Variants in TMPRSS6 observed in about 807,000 individuals in gnomAD.
TMPRSS6 encodes the protein transmembrane protease serine 6.
Under a neutral mutation model 101.5 loss-of-function variants are expected in TMPRSS6, and 67 were observed. The ratio of observed to expected loss-of-function variants is 0.66; its 90% CI spans 0.54 to 0.81. The LOEUF (loss-of-function observed/expected upper bound fraction) is 0.81, where lower values mean the gene tolerates loss of function less well. Among genes scored for constraint, TMPRSS6 ranks in the 30% least tolerant of loss-of-function variants. The pLI, the probability that TMPRSS6 is intolerant of heterozygous loss-of-function variation, is 0.00. For missense variants in TMPRSS6, 1,034 were observed against 1,088.7 expected (o/e 0.95, Z 0.71); for synonymous variants, 453 against 464.9 (o/e 0.97, Z 0.33).
chr22:37,095,434 C>G (rs1929656736), intron 6 of TMPRSS6, 117 bp downstream of exon 6: 38 of 1,348,222 alleles, frequency 2.8e-5, no homozygotes, highest in Non-Finnish European at 3.7e-5. Flanking sequence ...CTGGGTGACT[C>G]TTGGCCAGGG....
intron 6 of TMPRSS6, among the ~76,000 whole-genome samples, chr22:37,093,949 G>T (rs1929503939): frequency 6.6e-6 from 1 of 152,000 alleles, no homozygotes; most frequent in Non-Finnish European, 1.5e-5. Context: ...CTTGAACCTG[G>T]GAGGTGGAGG....
At position 37,105,766 on chromosome 22, in the gene TMPRSS6, T is replaced by G. The variant is rs545201275; in HGVS notation, c.-1-2348A>C. On this transcript the variant is annotated intron_variant, in intron 1 of 17. Transcript: ENST00000676104. ...CTCACCCCAGCCTCCAACTCCTGGG[T>G]TCGAGTGATCCTCCCACCTCAGCCT... 4.6e-5 allele frequency among the ~76,000 whole-genome samples: 7 copies of G among 152,256 alleles called. No homozygotes were observed. In the East Asian group the frequency reaches 1.4e-3, roughly 29 times the overall value.
intron 3 of TMPRSS6, among the ~76,000 whole-genome samples, chr22:37,097,055 C>G (rs929352109): frequency 2.0e-4 from 30 of 151,992 alleles, no homozygotes; most frequent in African/African-American, 6.8e-4. Flanking sequence ...TGGCCTGGGA[C>G]AAGCCAGCAG....
chr22:37,095,629 CAA>C (rs548945502), intron 5 of TMPRSS6, 37 bp from the exon 6 acceptor site: 20,968 of 1,105,316 alleles, frequency 0.019, no homozygotes, highest in South Asian at 0.032. Flanking sequence ...TAAACAAGAA[CAA>C]AAAAAAAAAA....
intron 8 of TMPRSS6, 70 bp from the exon 9 acceptor site, chr22:37,084,909 T>C (rs1928596198): frequency 8.4e-7 from 1 of 1,190,046 alleles, no homozygotes; most frequent in East Asian, 2.5e-5. Context: ...GCGCAGCTTG[T>C]AACCCCACCA....
chr22:37,078,787 GAA>G (rs575777582), intron 10 of TMPRSS6, among the ~76,000 whole-genome samples: 91,093 of 146,124 alleles, frequency 0.62, 29,872 homozygotes, highest in African/African-American at 0.82. Context: ...AGGAGGAGAA[GAA>G]GAAGGAGGAG....
Position 37,066,774 on chromosome 22 carries a change from T to G in TMPRSS6, c.2250+52A>C, listed in dbSNP as rs1926324966. The G allele has an allele frequency of 1.9e-6, 3 of 1,612,948 alleles. No individual in the cohort carries two copies. The East Asian group carries it at 6.7e-5, about 36-fold the overall frequency. Reference sequence around the variant, plus strand: ...AGCAAAGGGCCAGACCCTGGTGATGTGGGCAGCATCCTTTCTCCCTCCTCT... The same window carrying G: ...AGCAAAGGGCCAGACCCTGGTGATGGGGGCAGCATCCTTTCTCCCTCCTCT... On this transcript the variant is annotated intron_variant, in intron 17 of 17. Transcript: ENST00000676104.
chr22:37,070,968 C>A lies in TMPRSS6; in HGVS notation c.1620G>T (p.Pro540=), dbSNP rs142644443. 2.5e-6 allele frequency: 4 copies of A among 1,613,132 alleles called. No individual in the cohort carries two copies. Among genetic ancestry groups the A allele is most frequent in the Non-Finnish European group, 2.5e-6 (3 of 1,179,964 alleles). The change falls in exon 14 of 18, where the codon CCG becomes CCT. Residue 540 remains proline (P), a synonymous_variant. Transcript: ENST00000676104. ...TGCAGTCGGGCCGCCCATCACACTG[C>A]GGGTTGGGCTTCTTCACGCAGCTCC... ...EDRSCVKKPN[P]QCDGRPDCRD...
intron 6 of TMPRSS6, among the ~76,000 whole-genome samples, chr22:37,095,179 G>A (rs559365622): frequency 3.1e-4 from 47 of 152,252 alleles, no homozygotes; most frequent in Admixed American, 2.7e-3. Context: ...CTGACAAACC[G>A]TGAATTGGCA....
At chr22:37,075,325 C>A in intron 10 of TMPRSS6, 45 bp from the exon 11 acceptor site, 1 of 1,610,700 alleles carries the variant, frequency 6.2e-7, no homozygotes, top group Non-Finnish European at 8.5e-7. Flanking sequence ...GGCTGGTCTC[C>A]TGGGTCCCGT....
Position 37,065,760 on chromosome 22 carries a change from C to G in TMPRSS6, c.*320G>C. On this transcript the variant is annotated 3_prime_UTR_variant, in exon 18 of 18. Coordinates refer to ENST00000676104, the MANE Select transcript of TMPRSS6 (RefSeq NM_001374504.1). Reference sequence around the variant, plus strand: ...TCAGACACTCCTCGGGATGTAGAACCAGCATTCTTGCTGCTGAGCCACTGC... The same window carrying G: ...TCAGACACTCCTCGGGATGTAGAACGAGCATTCTTGCTGCTGAGCCACTGC... The G allele has an allele frequency of 2.4e-6, 1 of 423,260 alleles. No individual in the cohort carries two copies. The highest frequency in any genetic ancestry group is 4.7e-5 in the East Asian group (1 of 21,470). The allele number at this position is 423,260 out of a possible 1,614,324, so 26.2% of individuals were successfully genotyped here.
At chr22:37,077,116 A>C (rs1387142278) in intron 10 of TMPRSS6, among the ~76,000 whole-genome samples, 1 of 152,206 alleles carries the variant, frequency 6.6e-6, no homozygotes, top group Non-Finnish European at 1.5e-5. Flanking sequence ...CTCATTGGCT[A>C]TGGCATCACA....
chr22:37,102,440 T>C (rs1930400325), intron 2 of TMPRSS6, among the ~76,000 whole-genome samples: 1 of 152,206 alleles, frequency 6.6e-6, no homozygotes, highest in Non-Finnish European at 1.5e-5. Flanking sequence ...GTTTCTCCAT[T>C]ACTTCCCACT....
intron 1 of TMPRSS6, among the ~76,000 whole-genome samples, chr22:37,108,713 C>T (rs1405667508): frequency 6.6e-6 from 1 of 152,214 alleles, no homozygotes; most frequent in Non-Finnish European, 1.5e-5. Context: ...GGGGTGCCTA[C>T]TTTGCTGACT....
rs545755695 is a variant in TMPRSS6 at position 37,066,858 on chromosome 22, C to T, written c.2218G>A (p.Gly740Ser). The change falls in exon 17 of 18, where the codon GGC (glycine) becomes AGC (serine). Residue 740 changes from glycine (G) to serine (S), a missense_variant. Gly to Ser is a moderately conservative substitution (Grantham distance 56). Transcript: ENST00000676104. Reference protein sequence around the residue: ...YQVTPRMLCAGYRKGKKDACQ... With the variant: ...YQVTPRMLCASYRKGKKDACQ... Reference sequence around the variant, plus strand: ...GCATCCTTCTTGCCCTTGCGGTAGCCGGCACACAGCATGCGTGGCGTCACC... The same window carrying T: ...GCATCCTTCTTGCCCTTGCGGTAGCTGGCACACAGCATGCGTGGCGTCACC... 2.6e-5 allele frequency: 42 copies of T among 1,614,052 alleles called. No individual in the cohort carries two copies. The highest frequency in any genetic ancestry group is 1.6e-4 in the Middle Eastern group (1 of 6,084).
intron 2 of TMPRSS6, among the ~76,000 whole-genome samples, chr22:37,102,002 G>C (rs1461600485): frequency 6.6e-6 from 1 of 151,900 alleles, no homozygotes; most frequent in Non-Finnish European, 1.5e-5. Flanking sequence ...TCAGACCTGG[G>C]GTTCCCAATA....
rs749789963 is a variant in TMPRSS6, at chr22:37,070,544, C to G, written c.1781G>C (p.Gly594Ala). ...CCAGCGGTCAGCGATGAGGGCCCCC[C>G]CACAGATGTGTCGACCCCGAACCTG... ...SLQVRGRHICGGALIADRWVI... is the reference protein window; with the variant it reads ...SLQVRGRHICAGALIADRWVI... Residue 594 changes from glycine to alanine, a missense_variant, in exon 15 of 18, where the codon GGG becomes GCG. Gly to Ala is a moderately conservative substitution (Grantham distance 60). Coordinates refer to ENST00000676104, the MANE Select transcript of TMPRSS6 (RefSeq NM_001374504.1). The G allele has an allele frequency of 6.2e-7, 1 of 1,613,454 alleles. No individual in the cohort carries two copies. The highest frequency in any genetic ancestry group is 1.1e-5 in the South Asian group (1 of 91,086).
At chr22:37,068,192 C>T (rs145258924) in intron 16 of TMPRSS6, among the ~76,000 whole-genome samples, 6 of 152,270 alleles carry the variant, frequency 3.9e-5, no homozygotes, top group African/African-American at 7.2e-5. Flanking sequence ...CCTAACCCCA[C>T]GCCTGGTACG....
Position 37,065,997 on chromosome 22 carries a change from A to C in TMPRSS6, c.*83T>G. ...CCTGCTCTCTCCCCCACCCCCCGCC[A>C]GAATACTTGTCCCCCTGCTTGGCAG... is the stretch of plus-strand genomic sequence containing the variant. On this transcript the variant is annotated 3_prime_UTR_variant, in exon 18 of 18. Coordinates refer to ENST00000676104, the MANE Select transcript of TMPRSS6 (RefSeq NM_001374504.1). 1.0e-3 allele frequency: 1,344 copies of C among 1,299,070 alleles called. No individual in the cohort carries two copies. The highest frequency in any genetic ancestry group is 3.9e-3 in the East Asian group (115 of 29,232). The allele number at this position is 1,299,070 out of a possible 1,614,324, so 80.5% of individuals were successfully genotyped here. A position where few individuals can be genotyped will look rare whatever the true frequency, so the allele number is the denominator to read the frequency against.
Sources: allele counts gnomAD v4.1 joint callset (sites outside exome capture counted in the v4.1 genomes callset), GRCh38; gene constraint gnomAD v4.1.1; transcripts MANE v1.5; gene names NCBI Gene and HGNC (gene_info 2026-07-23, HGNC 2026-07-21).